The following SLC25A12 variants were observed in gnomAD, a reference collection of about 807,000 sequenced individuals.
The protein encoded by SLC25A12 is solute carrier family 25 member 12, also known as electrogenic aspartate/glutamate antiporter SLC25A12, mitochondrial.
In SLC25A12, 32 loss-of-function variants were observed where a neutral mutation model predicts 83.3. That is an observed-to-expected ratio of 0.38 (90% CI 0.29 to 0.52). The LOEUF is 0.52. SLC25A12 is among the 20% of genes least tolerant of loss of function. The pLI is 0.84. For missense variants in SLC25A12, 611 were observed against 835.6 expected (o/e 0.73, Z 3.31); for synonymous variants, 267 against 291.1 (o/e 0.92, Z 0.84).
At chr2:171,825,196 T>C (rs1482687548) in intron 9 of SLC25A12, among the ~76,000 whole-genome samples, 1 of 152,238 alleles carries the variant, frequency 6.6e-6, no homozygotes, top group East Asian at 1.9e-4. Context: ...TATTTTAATC[T>C]GTAGGAAGCT....
intron 13 of SLC25A12, among the ~76,000 whole-genome samples, chr2:171,808,785 T>C (rs543302789): frequency 6.6e-6 from 1 of 152,306 alleles, no homozygotes; most frequent in South Asian, 2.1e-4. Context: ...GCCATGTTGG[T>C]TTGCTGCACC....
chr2:171,855,659 A>G (rs184451134), intron 4 of SLC25A12, 175 bp downstream of exon 4: 42 of 612,468 alleles, frequency 6.9e-5, no homozygotes, highest in African/African-American at 5.0e-4. Flanking sequence ...ATCTTTGGCA[A>G]CAGTTTAATG....
rs1684575294 is a variant in SLC25A12, at chr2:171,837,035, CAT to C, written c.612+84_612+85del. ...GCATGAAATTTGAATAGTTGAGAGT[CAT>C]ATGAGTCCCTGGAGGCAATCCAGGA... On this transcript the variant is annotated intron_variant, in intron 6 of 17. Transcript: ENST00000422440. The C allele has an allele frequency of 1.8e-5, 23 of 1,284,136 alleles. No homozygotes were observed. In the Middle Eastern group the frequency reaches 8.0e-4, roughly 45 times the overall value. 79.5% of individuals were successfully genotyped at this position (1,284,136 alleles called of 1,614,324 possible).
chr2:171,886,801 C>T (rs768572227), intron 2 of SLC25A12, among the ~76,000 whole-genome samples: 9 of 152,182 alleles, frequency 5.9e-5, no homozygotes, highest in Non-Finnish European at 1.3e-4. Context: ...TGAGCCACCA[C>T]ATCTTGCCCT....
intron 9 of SLC25A12, among the ~76,000 whole-genome samples, chr2:171,821,744 A>G (rs1389960339): frequency 1.3e-5 from 2 of 152,166 alleles, no homozygotes; most frequent in African/African-American, 4.8e-5. Flanking sequence ...CAGATCCTCT[A>G]TTATTTAAAT....
rs771926829 is a variant in SLC25A12, at chr2:171,835,495, T to C, written c.613-630A>G. Among the ~76,000 whole-genome samples, 6 of 152,336 alleles carry C rather than the reference T, an allele frequency of 3.9e-5. No homozygotes were observed. In the South Asian group the frequency reaches 8.3e-4, roughly 21 times the overall value. On this transcript the variant is annotated intron_variant, in intron 6 of 17. Coordinates refer to ENST00000422440, the MANE Select transcript of SLC25A12 (RefSeq NM_003705.5). ...TTGAGTTATGTCTTCAATGGAATAG[T>C]GCAAAAGAGGCTCCCTCATGCCTGA... is the stretch of plus-strand genomic sequence containing the variant.
At chr2:171,853,878 T>C (rs1684990277) in intron 4 of SLC25A12, among the ~76,000 whole-genome samples, 1 of 152,128 alleles carries the variant, frequency 6.6e-6, no homozygotes, top group African/African-American at 2.4e-5. Context: ...TAATCGAAAC[T>C]GGGAAAAGTA....
In SLC25A12 at chr2:171,837,173, A is replaced by G. The variant is rs1684578306; in HGVS notation, c.560T>C (p.Val187Ala). 6.2e-7 allele frequency: 1 copy of G among 1,614,074 alleles called. No homozygotes were observed. The highest frequency in any genetic ancestry group is 8.5e-7 in the Non-Finnish European group (1 of 1,179,942). The stretch of plus-strand genomic sequence containing the variant: ...AGTAAGCATGTGAGATCTAATGGTA[A>G]CCATGATGTCACTGAAATCCAGACC... The part of the protein sequence containing the change: ...ISGLDFSDIM[V>A]TIRSHMLTPF... The change falls in exon 6 of 18, where the codon GTT becomes GCT. Residue 187 changes from valine (V) to alanine (A), a missense_variant. Transcript: ENST00000422440.
intron 8 of SLC25A12, among the ~76,000 whole-genome samples, chr2:171,831,712 C>A (rs1684435127): frequency 6.6e-6 from 1 of 152,002 alleles, no homozygotes. Flanking sequence ...TTGAGACCAG[C>A]CTGGCCAACA....
At chr2:171,839,592 C>G (rs1013323260) in intron 5 of SLC25A12, among the ~76,000 whole-genome samples, 1 of 151,996 alleles carries the variant, frequency 6.6e-6, no homozygotes. Flanking sequence ...ATGCCACTCT[C>G]CACTAAAATA....
At chr2:171,862,895 A>G (rs892924513) in intron 3 of SLC25A12, among the ~76,000 whole-genome samples, 1 of 152,068 alleles carries the variant, frequency 6.6e-6, no homozygotes, top group African/African-American at 2.4e-5. Context: ...AGAAAAGAGA[A>G]TATCTTTTTT....
rs186143990 is a variant in SLC25A12 at position 171,881,483 on chromosome 2, A to C, written c.66+11722T>G. On this transcript the variant is annotated intron_variant, in intron 2 of 17. Transcript: ENST00000422440. ...TTTCTGTGTAAATGTATGGGGAAAG[A>C]TCAGAAAGAAACACGACCAAGAACA... 3.9e-5 allele frequency among the ~76,000 whole-genome samples: 6 copies of C among 152,224 alleles called. No homozygotes were observed. The East Asian group carries it at 1.2e-3, about 29-fold the overall frequency.
intron 4 of SLC25A12, among the ~76,000 whole-genome samples, chr2:171,847,546 C>T (rs1349535637): frequency 6.6e-6 from 1 of 152,190 alleles, no homozygotes; most frequent in Non-Finnish European, 1.5e-5. Context: ...CACCCACCCC[C>T]AGAGAGAATC....
chr2:171,813,649 A>G (rs1422740753), intron 10 of SLC25A12, 152 bp from the exon 11 acceptor site: 2 of 871,752 alleles, frequency 2.3e-6, no homozygotes, highest in Non-Finnish European at 3.7e-6. Context: ...CCTCACAAAC[A>G]CCTTAGGGAT....
chr2:171,866,894 G>C (rs1685332775), intron 3 of SLC25A12, among the ~76,000 whole-genome samples: 2 of 151,638 alleles, frequency 1.3e-5, no homozygotes, highest in Non-Finnish European at 3.0e-5. Flanking sequence ...CTGCCGGGCG[G>C]AGGGGCTCCT....
intron 15 of SLC25A12, chr2:171,788,683 A>T (rs1690535200): frequency 6.6e-6 from 1 of 152,496 alleles, no homozygotes; most frequent in Non-Finnish European, 1.5e-5. Context: ...GCAAAGGAGC[A>T]AAATAATCTT....
chr2:171,821,017 C>CTTTTTTTTTTT (rs869070730), intron 9 of SLC25A12, among the ~76,000 whole-genome samples: 1 of 48,592 alleles, frequency 2.1e-5, no homozygotes, highest in African/African-American at 8.0e-5. Context: ...TATAAACATT[C>CTTTTTTTTTTT]TTTTTTTTTT....
chr2:171,819,386 T>TATGTA (rs1553471785), intron 9 of SLC25A12, among the ~76,000 whole-genome samples: 5 of 115,136 alleles, frequency 4.3e-5, no homozygotes, highest in Non-Finnish European at 8.3e-5. Context: ...TTATATATAA[T>TATGTA]ATATATTATA....
intron 5 of SLC25A12, among the ~76,000 whole-genome samples, chr2:171,842,906 C>A (rs1292427623): frequency 6.6e-6 from 1 of 152,196 alleles, no homozygotes. Context: ...ACTGCAACCT[C>A]CACCTCCTGG....
Sources: allele counts gnomAD v4.1 joint callset (sites outside exome capture counted in the v4.1 genomes callset), GRCh38; gene constraint gnomAD v4.1.1; transcripts MANE v1.5; gene names NCBI Gene and HGNC (gene_info 2026-07-23, HGNC 2026-07-21).